Variants in RHBDF2 observed in about 807,000 individuals in gnomAD.
The protein encoded by RHBDF2 is rhomboid 5 homolog 2.
A neutral mutation model predicts 95.2 loss-of-function variants in RHBDF2; 38 were observed. The observed-to-expected ratio is 0.40, with a 90% CI of 0.31 to 0.52. The LOEUF is 0.52. Ranked by LOEUF, RHBDF2 falls within the 20% of genes least tolerant of loss-of-function variation. RHBDF2 has a pLI of 0.56. For missense variants in RHBDF2, 863 were observed against 1,137.7 expected (o/e 0.76, Z 3.47); for synonymous variants, 442 against 462.0 (o/e 0.96, Z 0.55).
At chr17:76,475,263 T>C in intron 9 of RHBDF2, 122 bp from the exon 10 acceptor site, 1 of 660,330 alleles carries the variant, frequency 1.5e-6, no homozygotes, top group African/African-American at 1.8e-5. Context: ...CCCCGTCAAC[T>C]CATCTCAAAC....
intron 2 of RHBDF2, among the ~76,000 whole-genome samples, chr17:76,486,664 T>C (rs1261054444): frequency 6.6e-6 from 1 of 151,038 alleles, no homozygotes; most frequent in Admixed American, 6.6e-5. Context: ...CAGTGAACCG[T>C]GATCGCGCCA....
At chr17:76,493,976 C>T (rs2074374125) in intron 1 of RHBDF2, among the ~76,000 whole-genome samples, 1 of 152,250 alleles carries the variant, frequency 6.6e-6, no homozygotes, top group South Asian at 2.1e-4. Flanking sequence ...GGGCTTTTTC[C>T]TATCCGGCCC....
intron 3 of RHBDF2, 44 bp downstream of exon 3, chr17:76,481,331 G>A: frequency 1.3e-6 from 2 of 1,577,212 alleles, no homozygotes; most frequent in Non-Finnish European, 1.7e-6. Flanking sequence ...GGGTACATCT[G>A]TTACCTACGG....
At chr17:76,477,434 C>T in intron 7 of RHBDF2, 136 bp from the exon 8 acceptor site, 2 of 1,234,450 alleles carry the variant, frequency 1.6e-6, no homozygotes, top group Non-Finnish European at 1.1e-6. Context: ...TGCCCGTCAG[C>T]CCCAATGGTG....
At position 76,473,632 on chromosome 17, in the gene RHBDF2, G is replaced by T; in HGVS notation, c.1733+16C>A. The T allele has an allele frequency of 6.3e-7, 1 of 1,589,658 alleles. No individual in the cohort carries two copies. The highest frequency in any genetic ancestry group is 8.6e-7 in the Non-Finnish European group (1 of 1,168,318). On this transcript the variant is annotated intron_variant, in intron 15 of 18. Coordinates refer to ENST00000675367, the MANE Select transcript of RHBDF2 (RefSeq NM_001005498.4). Reference sequence around the variant, plus strand: ...GGGGCAGTGGGATGGCTGAGGCCAGGGCCCAGGTCGCTCACCTGCCCTTGG... The same window carrying T: ...GGGGCAGTGGGATGGCTGAGGCCAGTGCCCAGGTCGCTCACCTGCCCTTGG...
At chr17:76,478,436 T>A (rs1199271415) in intron 6 of RHBDF2, among the ~76,000 whole-genome samples, 4 of 152,246 alleles carry the variant, frequency 2.6e-5, no homozygotes, top group Non-Finnish European at 5.9e-5. Context: ...CACCCTGGGC[T>A]GCGAGCTCAG....
rs2073639242 is a variant in RHBDF2, at chr17:76,473,062, T to C, written c.1853A>G (p.Asn618Ser). 6.2e-7 allele frequency: 1 copy of C among 1,614,028 alleles called. No individual in the cohort carries two copies. The highest frequency in any genetic ancestry group is 1.3e-5 in the African/African-American group (1 of 75,016). The change falls in exon 17 of 19, where the codon AAC (asparagine) becomes AGC (serine). Residue 618 changes from asparagine (N) to serine (S), a missense_variant. Physicochemically the swap from Asn to Ser is conservative, Grantham distance 46. Around this residue, in one of 2 missense-constraint regions of RHBDF2, gnomAD observed 252 missense variants for 412.2 expected, o/e 0.61. Coordinates refer to ENST00000675367, the MANE Select transcript of RHBDF2 (RefSeq NM_001005498.4). Reference sequence around the variant, plus strand: ...GTAGAACTGATCTGGGACCTCAGGGTTGAGGAAGGGCAGCAGCCCACACAC... The same window carrying C: ...GTAGAACTGATCTGGGACCTCAGGGCTGAGGAAGGGCAGCAGCCCACACAC... The part of the protein sequence containing the change: ...DKVCGLLPFL[N>S]PEVPDQFYRL...
chr17:76,477,101 C>A, intron 8 of RHBDF2, 77 bp from the exon 9 acceptor site: 2 of 1,610,704 alleles, frequency 1.2e-6, no homozygotes, highest in South Asian at 1.1e-5. Flanking sequence ...TCAGAAGGGG[C>A]TTGGGGGCCA....
intron 2 of RHBDF2, among the ~76,000 whole-genome samples, chr17:76,487,156 T>C (rs1312616253): frequency 1.3e-5 from 2 of 151,594 alleles, no homozygotes; most frequent in Non-Finnish European, 2.9e-5. Flanking sequence ...ACTGGGTTTC[T>C]CCATGTTGGT....
chr17:76,476,978 G>A lies in RHBDF2; in HGVS notation c.967C>T (p.Arg323Cys), dbSNP rs369155813. The A allele has an allele frequency of 6.2e-6, 10 of 1,613,780 alleles. No homozygotes were observed. Among genetic ancestry groups the A allele is most frequent in the Non-Finnish European group, 7.6e-6 (9 of 1,180,048 alleles). ...AAGTGCTTCACCTTGGAGGCGATGC[G>A]CTTGCCGCGCCGGGGCCCGGGGACT... ...APVPGPRRGK[R>C]IASKVKHFAF... Residue 323 changes from arginine to cysteine, a missense_variant, in exon 9 of 19, where the codon CGC becomes TGC. Physicochemically the swap from Arg to Cys is radical, Grantham distance 180. Around this residue, in one of 2 missense-constraint regions of RHBDF2, gnomAD observed 611 missense variants for 725.5 expected, o/e 0.84. Transcript: ENST00000675367.
chr17:76,495,159 GGGTCCTTGGAAGCAGTGGT>G (rs1343599997), intron 1 of RHBDF2, among the ~76,000 whole-genome samples: 2 of 152,166 alleles, frequency 1.3e-5, no homozygotes, highest in Non-Finnish European at 2.9e-5. Flanking sequence ...GGGTTTTCAC[GGGTCCTTGGAAGCAGTGGT>G]GGTCCAGCAC....
intron 1 of RHBDF2, among the ~76,000 whole-genome samples, chr17:76,489,730 G>A (rs899542655): frequency 2.6e-5 from 4 of 152,206 alleles, no homozygotes; most frequent in Admixed American, 6.5e-5. Context: ...AACTGTGCGG[G>A]GCCTTGTTTG....
Position 76,471,369 on chromosome 17 carries a change from C to T in RHBDF2, c.*264G>A, listed in dbSNP as rs2073552027. The T allele has an allele frequency of 8.1e-6, 4 of 495,968 alleles. No homozygotes were observed. Among genetic ancestry groups the T allele is most frequent in the Non-Finnish European group, 1.4e-5 (4 of 280,132 alleles). 30.7% of individuals were successfully genotyped at this position (495,968 alleles called of 1,614,324 possible). Reference sequence around the variant, plus strand: ...AGGAGCGGGATATTAGGAACTGAGACCCAAGACTCAGAGAGGCAGGTGCCT... The same window carrying T: ...AGGAGCGGGATATTAGGAACTGAGATCCAAGACTCAGAGAGGCAGGTGCCT... On this transcript the variant is annotated 3_prime_UTR_variant, in exon 19 of 19. Transcript: ENST00000675367.
chr17:76,472,424 T>C (rs1018410759), intron 18 of RHBDF2: 1 of 601,628 alleles, frequency 1.7e-6, no homozygotes, highest in Admixed American at 2.7e-5. Flanking sequence ...GACCTGCAGA[T>C]ACCTAGCATA....
chr17:76,497,157 C>A (rs887853197), intron 1 of RHBDF2, among the ~76,000 whole-genome samples: 1 of 152,186 alleles, frequency 6.6e-6, no homozygotes, highest in African/African-American at 2.4e-5. Context: ...AGGAAGCCAT[C>A]CCTGCACCAC....
intron 1 of RHBDF2, chr17:76,493,316 G>A (rs1321938624): frequency 2.6e-5 from 4 of 152,266 alleles, no homozygotes; most frequent in Non-Finnish European, 4.4e-5. Flanking sequence ...AGCAAAACCC[G>A]TGGTACTGCT....
At chr17:76,497,459 A>G (rs902750487) in intron 1 of RHBDF2, among the ~76,000 whole-genome samples, 1 of 152,200 alleles carries the variant, frequency 6.6e-6, no homozygotes, top group African/African-American at 2.4e-5. Flanking sequence ...CCACTCCTAC[A>G]GAATAACAAT....
chr17:76,493,686 G>A (rs774004209), intron 1 of RHBDF2, among the ~76,000 whole-genome samples: 5 of 152,120 alleles, frequency 3.3e-5, no homozygotes, highest in African/African-American at 4.8e-5. Flanking sequence ...CTCCCTCTCA[G>A]CACCACCTCC....
intron 2 of RHBDF2, among the ~76,000 whole-genome samples, chr17:76,484,672 G>C (rs988576904): frequency 6.6e-6 from 1 of 152,026 alleles, no homozygotes; most frequent in Non-Finnish European, 1.5e-5. Context: ...CTCTCTCCCA[G>C]GATTTCCTGT....
Sources: gnomAD v4.1 joint callset for allele counts (sites outside exome capture counted in the v4.1 genomes callset) on GRCh38, gnomAD v4.1.1 for gene constraint, gnomAD v4.1.1 regional missense constraint, MANE v1.5 for transcripts, NCBI Gene and HGNC (gene_info 2026-07-23, HGNC 2026-07-21) for gene names.